SCNM1: variants seen among roughly 807,000 people sequenced by gnomAD.
SCNM1 encodes the protein sodium channel modifier 1.
SCNM1 carries 24 observed loss-of-function variants against 32.8 expected under a neutral mutation model. The ratio of observed to expected loss-of-function variants is 0.73; its 90% CI spans 0.53 to 1.03. SCNM1 has a LOEUF of 1.03. SCNM1 is among the 50% of genes least tolerant of loss of function. The pLI is 0.00. For synonymous variants in SCNM1, 99 were observed against 103.2 expected (o/e 0.96, Z 0.25); for missense variants, 274 against 282.3 (o/e 0.97, Z 0.21).
At chr1:151,166,674 T>G in intron 2 of SCNM1, 133 bp downstream of exon 2, 1 of 1,411,620 alleles carries the variant, frequency 7.1e-7, no homozygotes, top group Non-Finnish European at 9.4e-7. Context: ...GCTCAAGTGA[T>G]CCTGCCTCCT....
chr1:151,166,330 T>TAGTG, intron 1 of SCNM1, 127 bp downstream of exon 1: 2 of 1,536,296 alleles, frequency 1.3e-6, no homozygotes, highest in Non-Finnish European at 1.8e-6. Context: ...TAGAGCTGTG[T>TAGTG]AGTGACTCCT....
chr1:151,166,227 G>A (rs757014601), intron 1 of SCNM1, 24 bp downstream of exon 1: 3 of 1,582,690 alleles, frequency 1.9e-6, no homozygotes, highest in South Asian at 2.3e-5. Flanking sequence ...GAGAGGATCT[G>A]GAGCCGCTTC....
rs1683728869 is a variant in SCNM1 at position 151,166,866 on chromosome 1, A to G, written c.123-68A>G. On this transcript the variant is annotated intron_variant, in intron 2 of 6. Transcript: ENST00000368905. ...GCAAAGACTGCTAGGACAGGGTGGG[A>G]CCTATGGCAGGGACGGGCCCAACCC... is the stretch of plus-strand genomic sequence containing the variant. 2.6e-5 allele frequency: 42 copies of G among 1,605,262 alleles called. 1 individual carries two copies. In the South Asian group the frequency reaches 4.1e-4, roughly 16 times the overall value.
In SCNM1 at chr1:151,166,145, C is replaced by A. The variant is rs61819224; in HGVS notation, c.-8C>A. ...GAGAATTTATCACTTCTGGGACTCA[C>A]AGTCGTGATGTCTTTCAAGAGGGAA... On this transcript the variant is annotated 5_prime_UTR_variant, in exon 1 of 7. Transcript: ENST00000368905. 5 of 1,597,186 alleles carry A rather than the reference C, an allele frequency of 3.1e-6. No homozygotes were observed. In the Admixed American group the frequency reaches 8.5e-5, roughly 27 times the overall value.
At chr1:151,168,471 C>T (rs977500478) in intron 6 of SCNM1, 133 bp downstream of exon 6, 43 of 1,294,912 alleles carry the variant, frequency 3.3e-5, no homozygotes, top group Middle Eastern at 2.3e-4. Context: ...TGCAATGGCA[C>T]GCTCTCGGCT....
intron 1 of SCNM1, 44 bp downstream of exon 1, chr1:151,166,247 C>A: frequency 6.4e-7 from 1 of 1,567,532 alleles, no homozygotes; most frequent in Non-Finnish European, 8.7e-7. Flanking sequence ...CAGTCGCTCC[C>A]TGAAGGTTGG....
Position 151,169,399 on chromosome 1 carries a change from C to T in SCNM1, c.*314C>T, listed in dbSNP as rs587638649. The T allele has an allele frequency of 1.3e-3, 285 of 221,258 alleles. 3 individuals carry two copies. The highest frequency in any genetic ancestry group is 6.0e-3 in the African/African-American group (264 of 43,978). 13.7% of individuals were successfully genotyped at this position (221,258 alleles called of 1,614,324 possible). A position where few individuals can be genotyped will look rare whatever the true frequency, so the allele number is the denominator to read the frequency against. ...AGCTGGGACTACAGGCGCCCGCCAC[C>T]ATGCCCAGCTAATTTTTTGTATTTT... is the stretch of plus-strand genomic sequence containing the variant. On this transcript the variant is annotated 3_prime_UTR_variant, in exon 7 of 7. Transcript: ENST00000368905.
At chr1:151,166,811 G>A (rs1683726671) in intron 2 of SCNM1, 123 bp from the exon 3 acceptor site, 2 of 1,435,466 alleles carry the variant, frequency 1.4e-6, no homozygotes, top group Non-Finnish European at 1.9e-6. Flanking sequence ...TGGAAGAAGT[G>A]GAGATTGGGT....
At chr1:151,166,320 T>C (rs1683698391) in intron 1 of SCNM1, 117 bp downstream of exon 1, 3 of 1,535,492 alleles carry the variant, frequency 2.0e-6, no homozygotes, top group African/African-American at 2.8e-5. Context: ...CCAGGCGACT[T>C]AGAGCTGTGT....
rs968545523 is a variant in SCNM1 at position 151,169,495 on chromosome 1, C to T, written c.*410C>T. 5 of 175,856 alleles carry T rather than the reference C, an allele frequency of 2.8e-5. No homozygotes were observed. Among genetic ancestry groups the T allele is most frequent in the East Asian group, 2.9e-4 (2 of 6,824 alleles). 10.9% of individuals were successfully genotyped at this position (175,856 alleles called of 1,614,324 possible). A position where few individuals can be genotyped will look rare whatever the true frequency, so the allele number is the denominator to read the frequency against. On this transcript the variant is annotated 3_prime_UTR_variant, in exon 7 of 7. Transcript: ENST00000368905. Reference sequence around the variant, plus strand: ...TCCTGACCTCGTGATCCGCCCACCTCGGCCTCCCAAAGTGCTGGGATTACA... The same window carrying T: ...TCCTGACCTCGTGATCCGCCCACCTTGGCCTCCCAAAGTGCTGGGATTACA...
Position 151,167,348 on chromosome 1 carries a change from G to A in SCNM1, c.332G>A (p.Arg111Gln), listed in dbSNP as rs1042341062. 15 of 1,613,960 alleles carry A rather than the reference G, an allele frequency of 9.3e-6. No homozygotes were observed. Among genetic ancestry groups the A allele is most frequent in the African/African-American group, 2.7e-5 (2 of 74,896 alleles). Residue 111 changes from arginine (R) to glutamine (Q), a missense_variant, in exon 5 of 7, where the codon CGA becomes CAA. Transcript: ENST00000368905. ...CAGGCTCCTCTGCTAACTCAGACAC[G>A]ACTTATCACCCAGAGTGCTCTGCAC... is the stretch of plus-strand genomic sequence containing the variant. The part of the protein sequence containing the change: ...KAEAPLLTQT[R>Q]LITQSALHRA...
At chr1:151,166,324 G>A in intron 1 of SCNM1, 121 bp downstream of exon 1, 1 of 1,536,884 alleles carries the variant, frequency 6.5e-7, no homozygotes. Context: ...GCGACTTAGA[G>A]CTGTGTAGTG....
In SCNM1 at chr1:151,169,057, A is replaced by G. The variant is rs201560848; in HGVS notation, c.665A>G (p.Glu222Gly). 1.2e-4 allele frequency: 197 copies of G among 1,614,028 alleles called. 1 individual carries two copies. The highest frequency in any genetic ancestry group is 1.6e-4 in the Non-Finnish European group (186 of 1,179,992). Residue 222 changes from glutamate to glycine, a missense_variant, in exon 7 of 7, where the codon GAG becomes GGG. Transcript: ENST00000368905. Reference sequence around the variant, plus strand: ...AATGTTGAGTTTGACTCTGATGAGGAGGAACCACCTGATCTCCCCTTGGAC... The same window carrying G: ...AATGTTGAGTTTGACTCTGATGAGGGGGAACCACCTGATCTCCCCTTGGAC... ...DENVEFDSDEEEPPDLPLD is the reference protein window; with the variant it reads ...DENVEFDSDEGEPPDLPLD
Position 151,168,029 on chromosome 1 carries a change from A to G in SCNM1, c.399-115A>G, listed in dbSNP as rs1683789446. 3.2e-5 allele frequency: 38 copies of G among 1,198,758 alleles called. No individual in the cohort carries two copies. In the South Asian group the frequency reaches 6.6e-4, roughly 21 times the overall value. 74.3% of individuals were successfully genotyped at this position (1,198,758 alleles called of 1,614,324 possible). On this transcript the variant is annotated intron_variant, in intron 5 of 6. Transcript: ENST00000368905. ...GATTCTGAAATCCTTTGTATGCAGA[A>G]CTTATTAATATCTTGAGAAATATAG...
Position 151,170,216 on chromosome 1 carries a change from G to T in SCNM1, c.*1131G>T. ...AACTCATAAATTGGTAGTGTCTTAG[G>T]CCACCTTACAGGCCCATCCCACATT... On this transcript the variant is annotated 3_prime_UTR_variant, in exon 7 of 7. Coordinates refer to ENST00000368905, the MANE Select transcript of SCNM1 (RefSeq NM_024041.4). 2 of 1,278,694 alleles carry T rather than the reference G, an allele frequency of 1.6e-6. No individual in the cohort carries two copies. 79.2% of individuals were successfully genotyped at this position (1,278,694 alleles called of 1,614,324 possible).
intron 5 of SCNM1, 155 bp downstream of exon 5, chr1:151,167,569 C>T (rs966098727): frequency 5.2e-6 from 5 of 967,260 alleles, no homozygotes; most frequent in South Asian, 1.4e-5. Context: ...CGGTGACTCA[C>T]GCCTGTAATC....
Position 151,169,179 on chromosome 1 carries a change from A to G in SCNM1, c.*94A>G. On this transcript the variant is annotated 3_prime_UTR_variant, in exon 7 of 7. Coordinates refer to ENST00000368905, the MANE Select transcript of SCNM1 (RefSeq NM_024041.4). The stretch of plus-strand genomic sequence containing the variant: ...GTTCCTTGTTGGATCTCAGGATTTC[A>G]GATCTGTTCATTCTCATTCCAACTA... 7.0e-7 allele frequency: 1 copy of G among 1,437,188 alleles called. No homozygotes were observed. The highest frequency in any genetic ancestry group is 9.6e-7 in the Non-Finnish European group (1 of 1,037,384). The allele number at this position is 1,437,188 out of a possible 1,614,324, so 89.0% of individuals were successfully genotyped here.
intron 6 of SCNM1, 76 bp downstream of exon 6, chr1:151,168,414 T>TC: frequency 8.8e-7 from 1 of 1,134,356 alleles, no homozygotes; most frequent in Non-Finnish European, 1.2e-6. Context: ...TGTTTTTCCT[T>TC]TTTTTTTTTT....
intron 5 of SCNM1, 100 bp from the exon 6 acceptor site, chr1:151,168,044 G>C (rs1239064815): frequency 7.0e-6 from 9 of 1,284,248 alleles, no homozygotes; most frequent in East Asian, 4.9e-5. Flanking sequence ...TTAATATCTT[G>C]AGAAATATAG....
Sources: allele counts gnomAD v4.1 joint callset, GRCh38; gene constraint gnomAD v4.1.1; transcripts MANE v1.5; gene names NCBI Gene and HGNC (gene_info 2026-07-23, HGNC 2026-07-21).